Variants in USP8 observed in about 807,000 individuals in gnomAD.
USP8 encodes the protein ubiquitin specific peptidase 8.
USP8 carries 27 observed loss-of-function variants against 130.0 expected under a neutral mutation model. That is an observed-to-expected ratio of 0.21 (90% confidence interval 0.15 to 0.29). The LOEUF (loss-of-function observed/expected upper bound fraction) is 0.29, where lower values mean the gene tolerates loss of function less well. Among genes scored for constraint, USP8 ranks in the 10% least tolerant of loss-of-function variants. The pLI is 1.00. For synonymous variants in USP8, 392 were observed against 444.1 expected, an observed-to-expected ratio of 0.88 and a Z score of 1.48; for missense variants, 1,029 against 1,312.2, an observed-to-expected ratio of 0.78 and a Z score of 3.33.
chr15:50,506,957 C>CAAAAAAAAAA lies in USP8; in HGVS notation c.*7893_*7902dup, dbSNP rs58329541. The CAAAAAAAAAA allele has an allele frequency of 6.1e-4, 28 of 46,226 alleles. 1 individual carries two copies. Among genetic ancestry groups the CAAAAAAAAAA allele is most frequent in the African/African-American group, 2.7e-3 (28 of 10,550 alleles). 2.9% of individuals were successfully genotyped at this position (46,226 alleles called of 1,614,324 possible). On this transcript the variant is annotated 3_prime_UTR_variant, in exon 20 of 20. Coordinates refer to ENST00000307179, the MANE Select transcript of USP8 (RefSeq NM_005154.5). ...TGGGCGACAGAGCGAGACTTCATCT[C>CAAAAAAAAAA]AAAAAAAAAAAAAAAAAAAAAAAAA...
chr15:50,488,552 C>CTTTTT (rs397853938), intron 12 of USP8, among the ~76,000 whole-genome samples: 8 of 70,940 alleles, frequency 1.1e-4, no homozygotes, highest in Non-Finnish European at 1.5e-4. Flanking sequence ...TCAAGGTTGG[C>CTTTTT]TTTTTTTTTT....
At chr15:50,479,178 G>T (rs1290588426) in intron 10 of USP8, among the ~76,000 whole-genome samples, 1 of 152,220 alleles carries the variant, frequency 6.6e-6, no homozygotes, top group Non-Finnish European at 1.5e-5. Context: ...TATCATAATT[G>T]CTCTACAAGG....
intron 8 of USP8, among the ~76,000 whole-genome samples, chr15:50,472,255 T>C (rs1305780355): frequency 6.6e-6 from 1 of 152,006 alleles, no homozygotes; most frequent in East Asian, 1.9e-4. Context: ...AGATTTGTTT[T>C]GGCTGGGTGT....
At position 50,500,776 on chromosome 15, in the gene USP8, T is replaced by G. The variant is rs1183313221; in HGVS notation, c.*1688T>G. On this transcript the variant is annotated 3_prime_UTR_variant, in exon 20 of 20. Transcript: ENST00000307179. ...TGTGTTATCAAAGCTATATCAGGCC[T>G]GGGTGACTGAATTCTTGCAGAAAGC... 6.3e-7 allele frequency: 1 copy of G among 1,588,334 alleles called. No individual in the cohort carries two copies. Among genetic ancestry groups the G allele is most frequent in the Non-Finnish European group, 8.6e-7 (1 of 1,166,694 alleles).
intron 7 of USP8, 146 bp downstream of exon 7, chr15:50,465,337 G>A (rs2141285332): frequency 1.7e-6 from 1 of 595,192 alleles, no homozygotes; most frequent in East Asian, 3.8e-5. Context: ...CTTTTTATGT[G>A]TGTGGGTGGT....
At chr15:50,449,893 T>TC (rs1302441410) in intron 4 of USP8, among the ~76,000 whole-genome samples, 4 of 134,826 alleles carry the variant, frequency 3.0e-5, no homozygotes, top group Non-Finnish European at 6.3e-5. Flanking sequence ...AATATTTCTT[T>TC]TTTTTTTTTT....
At chr15:50,463,363 T>A (rs2051076601) in intron 6 of USP8, 1 of 152,224 alleles carries the variant, frequency 6.6e-6, no homozygotes, top group African/African-American at 2.4e-5. Flanking sequence ...TTTTCCTCTC[T>A]CAGAAAAGGT....
intron 3 of USP8, chr15:50,444,642 C>T (rs1451612825): frequency 6.6e-6 from 1 of 152,068 alleles, no homozygotes; most frequent in East Asian, 1.9e-4. Flanking sequence ...TGCAAAGGCT[C>T]AGGTAACTTA....
chr15:50,433,551 C>A (rs1034857634), intron 1 of USP8, among the ~76,000 whole-genome samples: 2 of 152,162 alleles, frequency 1.3e-5, no homozygotes, highest in African/African-American at 4.8e-5. Flanking sequence ...GTCATCAAAT[C>A]CCTACTCTTT....
At chr15:50,431,706 G>C (rs2049936810) in intron 1 of USP8, among the ~76,000 whole-genome samples, 1 of 152,090 alleles carries the variant, frequency 6.6e-6, no homozygotes, top group African/African-American at 2.4e-5. Flanking sequence ...GCCCAGGCTG[G>C]AGTGCAGTGG....
chr15:50,467,095 C>CT (rs1267470980), intron 7 of USP8: 6 of 515,272 alleles, frequency 1.2e-5, no homozygotes, highest in Non-Finnish European at 1.9e-5. Flanking sequence ...ATTGGAGATG[C>CT]TTAAGTCAAC....
chr15:50,443,850 A>G (rs1305276813), intron 3 of USP8, among the ~76,000 whole-genome samples: 1 of 152,124 alleles, frequency 6.6e-6, no homozygotes, highest in Non-Finnish European at 1.5e-5. Flanking sequence ...TCATCTGTCC[A>G]CAATGGATGA....
rs2051792650 is a variant in USP8 at position 50,482,029 on chromosome 15, C to T, written c.1767C>T (p.Pro589=). The part of the protein sequence containing the change: ...EIQKKSTGDV[P]HTSVTGDSGS... ...AGAAAAAGTCAACAGGAGATGTGCC[C>T]CATACATCTGTGACAGGGGATTCAG... Residue 589 remains proline (P), a synonymous_variant, in exon 11 of 20, where the codon CCC becomes CCT. Transcript: ENST00000307179. 1 of 1,539,304 alleles carries T rather than the reference C, an allele frequency of 6.5e-7. No homozygotes were observed. Among genetic ancestry groups the T allele is most frequent in the Non-Finnish European group, 8.7e-7 (1 of 1,150,326 alleles).
intron 1 of USP8, among the ~76,000 whole-genome samples, chr15:50,436,800 G>C (rs1224603710): frequency 6.6e-6 from 1 of 152,154 alleles, no homozygotes; most frequent in Non-Finnish European, 1.5e-5. Context: ...CTCCCAAGTA[G>C]CTGGGATTAT....
rs905920325 is a variant in USP8 at position 50,464,378 on chromosome 15, C to T, written c.542-669C>T. ...TAGAACCATAGATATTTCTTTCTTC[C>T]AGTTAGCATTTTTCTAATGTCTTAA... is the stretch of plus-strand genomic sequence containing the variant. On this transcript the variant is annotated intron_variant, in intron 6 of 19. Coordinates refer to ENST00000307179, the MANE Select transcript of USP8 (RefSeq NM_005154.5). Among the ~76,000 whole-genome samples the T allele has an allele frequency of 8.5e-5, 13 of 152,248 alleles. 1 individual carries two copies. The highest frequency in any genetic ancestry group is 3.1e-4 in the African/African-American group (13 of 41,548).
intron 1 of USP8, chr15:50,432,323 A>G (rs965425054): frequency 1.3e-5 from 2 of 152,024 alleles, no homozygotes; most frequent in Non-Finnish European, 2.9e-5. Context: ...ATTTCTCCCT[A>G]TCTCTGCCCT....
chr15:50,495,203 TACAC>T (rs577089941), intron 16 of USP8, among the ~76,000 whole-genome samples: 2 of 149,070 alleles, frequency 1.3e-5, no homozygotes, highest in East Asian at 2.0e-4. Context: ...TATATATATA[TACAC>T]ACACACCTAC....
intron 3 of USP8, among the ~76,000 whole-genome samples, chr15:50,448,241 A>G (rs142806265): frequency 1.3e-5 from 2 of 152,304 alleles, no homozygotes; most frequent in Admixed American, 1.3e-4. Flanking sequence ...GATTATTATA[A>G]TTTGTAATGA....
chr15:50,447,406 A>G (rs1297159825), intron 3 of USP8, among the ~76,000 whole-genome samples: 2 of 152,058 alleles, frequency 1.3e-5, no homozygotes, highest in East Asian at 1.9e-4. Context: ...ACGCCTGGCT[A>G]ATTTTCATAT....
Sources: gnomAD v4.1 joint callset for allele counts (sites outside exome capture counted in the v4.1 genomes callset) on GRCh38, gnomAD v4.1.1 for gene constraint, MANE v1.5 for transcripts, NCBI Gene and HGNC (gene_info 2026-07-23, HGNC 2026-07-21) for gene names.